CRYM: variants seen among roughly 807,000 people sequenced by gnomAD.
CRYM encodes the protein ketimine reductase mu-crystallin.
A neutral mutation model predicts 32.9 loss-of-function variants in CRYM; 18 were observed. That is an observed-to-expected ratio of 0.55 (90% CI 0.38 to 0.81). The LOEUF (loss-of-function observed/expected upper bound fraction) is 0.81. Ranked by LOEUF, CRYM falls within the 30% of genes least tolerant of loss-of-function variation. The probability of loss-of-function intolerance (pLI) is 0.00; values close to 1 mark genes in which losing one functional copy is unlikely to be tolerated. For synonymous variants in CRYM, 153 were observed against 152.4 expected (o/e 1.00, Z -0.03); for missense variants, 337 against 393.5 (o/e 0.86, Z 1.21).
chr16:21,267,405 GT>G (rs979166371), intron 5 of CRYM, 148 bp downstream of exon 5: 2 of 861,426 alleles, frequency 2.3e-6, no homozygotes, highest in Admixed American at 2.0e-5. Context: ...GCCAAATATT[GT>G]TTTTTTCAAT....
intron 1 of CRYM, among the ~76,000 whole-genome samples, chr16:21,294,764 G>A (rs1450331499): frequency 3.4e-5 from 5 of 147,492 alleles, no homozygotes; most frequent in South Asian, 2.1e-4. Context: ...GCGCGATCTC[G>A]ACTCACTGCA....
intron 1 of CRYM, among the ~76,000 whole-genome samples, chr16:21,292,987 G>T (rs553265802): frequency 6.6e-6 from 1 of 152,026 alleles, no homozygotes; most frequent in South Asian, 2.1e-4. Context: ...TGGATGAACG[G>T]ATGGATGGAT....
intron 1 of CRYM, among the ~76,000 whole-genome samples, chr16:21,292,881 A>G (rs901048143): frequency 6.6e-6 from 1 of 152,154 alleles, no homozygotes; most frequent in Non-Finnish European, 1.5e-5. Flanking sequence ...CTTATTTGAA[A>G]CCTTATTATA....
At chr16:21,288,055 T>TA (rs1486185645) in intron 1 of CRYM, among the ~76,000 whole-genome samples, 1 of 152,110 alleles carries the variant, frequency 6.6e-6, no homozygotes, top group African/African-American at 2.4e-5. Flanking sequence ...ATGAGTCAAA[T>TA]AAAAAATCAC....
At chr16:21,290,904 C>T (rs761894682) in intron 1 of CRYM, among the ~76,000 whole-genome samples, 3 of 152,090 alleles carry the variant, frequency 2.0e-5, no homozygotes, top group Admixed American at 1.3e-4. Flanking sequence ...GAGAAATAAT[C>T]AGCATTGGTT....
intron 1 of CRYM, among the ~76,000 whole-genome samples, chr16:21,288,758 G>A (rs1337533799): frequency 1.3e-5 from 2 of 152,058 alleles, no homozygotes; most frequent in Admixed American, 6.5e-5. Context: ...AAACTAAACT[G>A]CTTTTCTTAT....
chr16:21,301,522 G>T (rs1960931382), intron 1 of CRYM, among the ~76,000 whole-genome samples: 1 of 152,148 alleles, frequency 6.6e-6, no homozygotes, highest in African/African-American at 2.4e-5. Context: ...AAGTAACGTT[G>T]GGCTGGTGAG....
At chr16:21,298,867 A>G (rs1960839788) in intron 1 of CRYM, among the ~76,000 whole-genome samples, 1 of 152,202 alleles carries the variant, frequency 6.6e-6, no homozygotes, top group Non-Finnish European at 1.5e-5. Flanking sequence ...GAAAAATCCC[A>G]CACTGTTACA....
In CRYM at chr16:21,258,774, CTTTG is replaced by C. The variant is rs1428220564; in HGVS notation, c.*3_*6del. 6 of 1,612,760 alleles carry C rather than the reference CTTTG, an allele frequency of 3.7e-6. No homozygotes were observed. The highest frequency in any genetic ancestry group is 5.1e-6 in the Non-Finnish European group (6 of 1,178,928). On this transcript the variant is annotated 3_prime_UTR_variant, in exon 8 of 8. Transcript: ENST00000572914. Reference sequence around the variant, plus strand: ...AAGCATCCATCTCAACATCAAGTTCCTTTGTTTTATTTACCAGATGACCAGGAAT... The same window carrying C: ...AAGCATCCATCTCAACATCAAGTTCCTTTTATTTACCAGATGACCAGGAAT...
chr16:21,261,472 A>C, intron 6 of CRYM, 134 bp from the exon 7 acceptor site: 1 of 705,654 alleles, frequency 1.4e-6, no homozygotes, highest in Non-Finnish European at 2.5e-6. Flanking sequence ...AAAGAGAGAG[A>C]TCCTTTGTAC....
intron 4 of CRYM, among the ~76,000 whole-genome samples, chr16:21,269,162 A>T (rs2093369933): frequency 6.6e-6 from 1 of 151,912 alleles, no homozygotes; most frequent in Non-Finnish European, 1.5e-5. Flanking sequence ...AAAAAAAAAA[A>T]AAAGTCATGG....
chr16:21,280,278 G>A (rs1233652549), upstream of CRYM, among the ~76,000 whole-genome samples: 1 of 152,160 alleles, frequency 6.6e-6, no homozygotes. Context: ...TACCCAGGAG[G>A]CTGAGGCAGG....
intron 1 of CRYM, among the ~76,000 whole-genome samples, chr16:21,292,674 A>G (rs1305979250): frequency 1.3e-5 from 2 of 152,184 alleles, no homozygotes; most frequent in Non-Finnish European, 2.9e-5. Context: ...CTTATTATAA[A>G]ACTACAGTAA....
intron 1 of CRYM, among the ~76,000 whole-genome samples, chr16:21,292,727 A>G (rs779625678): frequency 4.2e-5 from 6 of 143,692 alleles, no homozygotes; most frequent in African/African-American, 7.9e-5. Context: ...CATAGATGAC[A>G]GATGGATGGA....
At chr16:21,286,384 A>T (rs910992573) in intron 1 of CRYM, among the ~76,000 whole-genome samples, 7 of 140,210 alleles carry the variant, frequency 5.0e-5, no homozygotes, top group Non-Finnish European at 7.9e-5. Flanking sequence ...CGCCCAGCTA[A>T]TTTTTTTTTT....
At chr16:21,273,765 C>G (rs556001407) in intron 3 of CRYM, among the ~76,000 whole-genome samples, 7 of 152,250 alleles carry the variant, frequency 4.6e-5, no homozygotes, top group African/African-American at 1.7e-4. Flanking sequence ...CACAGAAACT[C>G]GTAGTCCAGA....
chr16:21,280,322 A>G (rs1416063315), upstream of CRYM, among the ~76,000 whole-genome samples: 1 of 152,056 alleles, frequency 6.6e-6, no homozygotes, highest in African/African-American at 2.4e-5. Flanking sequence ...GGAGGCTGCA[A>G]TGAGCCAAGA....
At chr16:21,265,897 C>G (rs537648251) in intron 5 of CRYM, among the ~76,000 whole-genome samples, 3 of 152,168 alleles carry the variant, frequency 2.0e-5, no homozygotes, top group African/African-American at 7.2e-5. Flanking sequence ...GGATAGAGTG[C>G]CTCCGTTCAA....
chr16:21,270,306 T>C (rs226056), intron 3 of CRYM, among the ~76,000 whole-genome samples: 48,411 of 151,874 alleles, frequency 0.32, 9,233 homozygotes, highest in African/African-American at 0.53. Flanking sequence ...TTTTTTGAGA[T>C]GGAGTCTCGC....
Sources: allele counts gnomAD v4.1 joint callset (sites outside exome capture counted in the v4.1 genomes callset), GRCh38; gene constraint gnomAD v4.1.1; transcripts MANE v1.5; gene names NCBI Gene and HGNC (gene_info 2026-07-23, HGNC 2026-07-21).